NGF: variants seen among roughly 807,000 people sequenced by gnomAD.
The protein encoded by NGF is beta-nerve growth factor.
A neutral mutation model predicts 12.8 loss-of-function variants in NGF; 4 were observed. That is an observed-to-expected ratio of 0.31 (90% CI 0.15 to 0.72). The LOEUF is 0.72. NGF is among the 30% of genes least tolerant of loss of function. The probability of loss-of-function intolerance (pLI) is 0.69; values close to 1 mark genes in which losing one functional copy is unlikely to be tolerated. For missense variants in NGF, 283 were observed against 330.8 expected (o/e 0.86, Z 1.12); for synonymous variants, 140 against 130.0 (o/e 1.08, Z -0.52).
chr1:115,315,044 G>C (rs1393326171), intron 1 of NGF, among the ~76,000 whole-genome samples: 1 of 152,168 alleles, frequency 6.6e-6, no homozygotes, highest in Non-Finnish European at 1.5e-5. Flanking sequence ...GCCAGTGTGA[G>C]GTCCTGAGGC....
chr1:115,337,267 G>GTTTGTTTTTTTTTT lies in NGF; in HGVS notation c.-137+936_-137+937insAAAAAAAAAACAAA. Among the ~76,000 whole-genome samples the GTTTGTTTTTTTTTT allele has an allele frequency of 1.9e-3, 153 of 81,030 alleles. 18 individuals carry two copies. The highest frequency in any genetic ancestry group is 0.016 in the Middle Eastern group (2 of 122). 53.2% of individuals were successfully genotyped at this position (81,030 alleles called of 152,430 possible). A position where few individuals can be genotyped will look rare whatever the true frequency, so the allele number is the denominator to read the frequency against. On this transcript the variant is annotated intron_variant, in intron 1 of 2. Coordinates refer to ENST00000369512, the MANE Select transcript of NGF (RefSeq NM_002506.3). ...TCGAAATTTTTTTTGTTTTGTTTTT[G>GTTTGTTTTTTTTTT]TTTTTTTTTTTTTTTTTTTTTTTTT... is the stretch of plus-strand genomic sequence containing the variant.
At chr1:115,320,858 T>C (rs1392687806) in intron 1 of NGF, among the ~76,000 whole-genome samples, 4 of 152,194 alleles carry the variant, frequency 2.6e-5, no homozygotes, top group African/African-American at 9.7e-5. Flanking sequence ...TGTGTGATTA[T>C]CCGTAGTGTG....
intron 1 of NGF, among the ~76,000 whole-genome samples, chr1:115,301,592 C>T (rs184124536): frequency 5.8e-4 from 88 of 152,240 alleles, no homozygotes; most frequent in Admixed American, 2.4e-3. Flanking sequence ...AGGAAGAAAT[C>T]GCCGCTTTGT....
At chr1:115,294,901 A>C (rs902948216) in intron 1 of NGF, among the ~76,000 whole-genome samples, 1 of 152,242 alleles carries the variant, frequency 6.6e-6, no homozygotes. Context: ...TTAGGAAGGC[A>C]GTGGAGGGCT....
At chr1:115,325,800 A>C (rs1263163944) in intron 1 of NGF, among the ~76,000 whole-genome samples, 2 of 152,170 alleles carry the variant, frequency 1.3e-5, no homozygotes, top group Non-Finnish European at 2.9e-5. Flanking sequence ...TTGAGGGTGA[A>C]GCCAACAAAC....
chr1:115,312,939 C>T (rs548806528), intron 1 of NGF, among the ~76,000 whole-genome samples: 14 of 152,128 alleles, frequency 9.2e-5, no homozygotes, highest in African/African-American at 2.9e-4. Flanking sequence ...ACTTATTTCA[C>T]CATGGAAACA....
intron 1 of NGF, among the ~76,000 whole-genome samples, chr1:115,323,610 C>T (rs960663725): frequency 2.6e-5 from 4 of 152,192 alleles, no homozygotes; most frequent in African/African-American, 7.2e-5. Context: ...CTAAATTAAA[C>T]ATGAGGGTAA....
chr1:115,297,564 T>C (rs1653910087), intron 1 of NGF, among the ~76,000 whole-genome samples: 1 of 152,210 alleles, frequency 6.6e-6, no homozygotes, highest in Non-Finnish European at 1.5e-5. Context: ...ACTTGATTAA[T>C]GGCGAACTGT....
intron 1 of NGF, among the ~76,000 whole-genome samples, chr1:115,329,516 T>G (rs1212504659): frequency 6.6e-6 from 1 of 152,102 alleles, no homozygotes; most frequent in East Asian, 1.9e-4. Flanking sequence ...CTATGACTTA[T>G]AGTAAAAAAA....
intron 1 of NGF, among the ~76,000 whole-genome samples, chr1:115,303,364 T>A (rs1654097270): frequency 6.6e-6 from 1 of 152,146 alleles, no homozygotes; most frequent in African/African-American, 2.4e-5. Context: ...GGCAGCATTA[T>A]CTTCAACAAC....
chr1:115,303,313 G>C (rs545439442), intron 1 of NGF, among the ~76,000 whole-genome samples: 2 of 152,098 alleles, frequency 1.3e-5, no homozygotes, highest in African/African-American at 4.8e-5. Context: ...CTATCACAGC[G>C]TTTAGATAGG....
At chr1:115,315,762 G>A (rs928407704) in intron 1 of NGF, among the ~76,000 whole-genome samples, 1 of 152,128 alleles carries the variant, frequency 6.6e-6, no homozygotes, top group African/African-American at 2.4e-5. Flanking sequence ...GACTTGTCTG[G>A]CATAGGGAGT....
intron 1 of NGF, among the ~76,000 whole-genome samples, chr1:115,322,304 G>C (rs897742718): frequency 1.3e-5 from 2 of 152,110 alleles, no homozygotes; most frequent in African/African-American, 4.8e-5. Context: ...GACCATCCCA[G>C]GAATGTAGGG....
At chr1:115,317,984 T>G (rs1262451864) in intron 1 of NGF, among the ~76,000 whole-genome samples, 2 of 152,212 alleles carry the variant, frequency 1.3e-5, no homozygotes, top group South Asian at 4.2e-4. Context: ...ACTTGTAAAG[T>G]GGCTAATATT....
intron 2 of NGF, among the ~76,000 whole-genome samples, chr1:115,291,600 G>A (rs927919978): frequency 7.2e-5 from 11 of 152,336 alleles, no homozygotes; most frequent in African/African-American, 2.6e-4. Context: ...AGCCCATTGG[G>A]ATGCCTTTAC....
At chr1:115,309,459 G>A (rs1654285724) in intron 1 of NGF, among the ~76,000 whole-genome samples, 1 of 151,968 alleles carries the variant, frequency 6.6e-6, no homozygotes, top group African/African-American at 2.4e-5. Context: ...TAAGTTCTGG[G>A]GTACATGTGC....
At chr1:115,299,306 G>T (rs1653963420) in intron 1 of NGF, among the ~76,000 whole-genome samples, 1 of 152,162 alleles carries the variant, frequency 6.6e-6, no homozygotes, top group Non-Finnish European at 1.5e-5. Context: ...AAATTTGTGG[G>T]TAAATTTCCC....
intron 1 of NGF, among the ~76,000 whole-genome samples, chr1:115,319,883 G>A (rs973534436): frequency 6.6e-6 from 1 of 152,174 alleles, no homozygotes; most frequent in Non-Finnish European, 1.5e-5. Context: ...CTGGCCAAGT[G>A]TCTTATACAG....
At chr1:115,290,285 C>T (rs1045466349) in intron 2 of NGF, among the ~76,000 whole-genome samples, 1 of 152,218 alleles carries the variant, frequency 6.6e-6, no homozygotes. Context: ...TTCTGCTCTC[C>T]ACCTCTGCTG....
Sources: allele counts gnomAD v4.1 joint callset (sites outside exome capture counted in the v4.1 genomes callset), GRCh38; gene constraint gnomAD v4.1.1; transcripts MANE v1.5; gene names NCBI Gene and HGNC (gene_info 2026-07-23, HGNC 2026-07-21).